The following MYO18B variants were observed in gnomAD, a reference collection of about 807,000 sequenced individuals.
The protein encoded by MYO18B is unconventional myosin-XVIIIb.
In MYO18B, 204 loss-of-function variants were observed where a neutral mutation model predicts 273.0. The observed-to-expected ratio is 0.75, with a 90% CI of 0.67 to 0.84. MYO18B has a LOEUF of 0.84. Among genes scored for constraint, MYO18B ranks in the 40% least tolerant of loss-of-function variants. MYO18B has a pLI of 0.00. For missense variants in MYO18B, 3,212 were observed against 3,287.6 expected, an observed-to-expected ratio of 0.98 and a Z score of 0.56; for synonymous variants, 1,330 against 1,305.7, an observed-to-expected ratio of 1.02 and a Z score of -0.40.
At chr22:25,972,246 GA>G (rs2093043378) in intron 39 of MYO18B, among the ~76,000 whole-genome samples, 1 of 152,016 alleles carries the variant, frequency 6.6e-6, no homozygotes, top group Non-Finnish European at 1.5e-5. Context: ...AGTGTGACCA[GA>G]ACCCCGATTT....
At chr22:25,934,873 G>T (rs1256805639) in intron 34 of MYO18B, among the ~76,000 whole-genome samples, 1 of 152,104 alleles carries the variant, frequency 6.6e-6, no homozygotes, top group African/African-American at 2.4e-5. Flanking sequence ...GTGATTCGGG[G>T]GCTCAAGATA....
At position 25,882,876 on chromosome 22, in the gene MYO18B, CTT is replaced by C. The variant is rs531756966; in HGVS notation, c.4314+4833_4314+4834del. Among the ~76,000 whole-genome samples the C allele has an allele frequency of 4.2e-3, 643 of 152,216 alleles. 3 individuals are homozygous for C. The highest frequency in any genetic ancestry group is 0.015 in the African/African-American group (626 of 41,540). ...GCCTTATATTCATGAGGTCATTACTCTTTTTTAATTAGTTAATTAATTTTTAT... is the reference window on the plus strand; with the variant it reads ...GCCTTATATTCATGAGGTCATTACTCTTTTAATTAGTTAATTAATTTTTAT... On this transcript the variant is annotated intron_variant, in intron 25 of 43. Coordinates refer to ENST00000335473, the MANE Select transcript of MYO18B (RefSeq NM_032608.7).
At chr22:25,892,769 AC>A (rs2091695908) in intron 27 of MYO18B, 1 of 152,194 alleles carries the variant, frequency 6.6e-6, no homozygotes, top group South Asian at 2.1e-4. Context: ...TATAAGCGAG[AC>A]CCAACAAGGT....
At chr22:25,808,565 A>G (rs1221890911) in intron 12 of MYO18B, among the ~76,000 whole-genome samples, 1 of 151,916 alleles carries the variant, frequency 6.6e-6, no homozygotes, top group African/African-American at 2.4e-5. Flanking sequence ...TAGGATCTCC[A>G]CCCTCTCTCC....
intron 35 of MYO18B, 111 bp from the exon 36 acceptor site, chr22:25,947,601 G>A (rs150625698): frequency 1.1e-4 from 72 of 678,988 alleles, no homozygotes; most frequent in Non-Finnish European, 1.6e-4. Flanking sequence ...AACATTGATG[G>A]TCACTCACCT....
At chr22:25,950,321 G>A (rs770924863) in intron 36 of MYO18B, 46 bp from the exon 37 acceptor site, 14 of 1,502,064 alleles carry the variant, frequency 9.3e-6, no homozygotes, top group Non-Finnish European at 1.3e-5. Context: ...AGCAAGGCTT[G>A]TGGACTCAGG....
intron 27 of MYO18B, among the ~76,000 whole-genome samples, chr22:25,891,870 T>A (rs1372603752): frequency 6.6e-6 from 1 of 151,856 alleles, no homozygotes; most frequent in East Asian, 1.9e-4. Flanking sequence ...CTACAAAAAA[T>A]TTAAAAAATT....
intron 42 of MYO18B, among the ~76,000 whole-genome samples, chr22:26,010,535 G>A (rs1346120693): frequency 1.3e-5 from 2 of 152,188 alleles, no homozygotes; most frequent in African/African-American, 4.8e-5. Context: ...CCCCTCCACC[G>A]TTAAATAGAC....
intron 22 of MYO18B, among the ~76,000 whole-genome samples, chr22:25,870,488 A>G (rs2091016052): frequency 6.6e-6 from 1 of 152,240 alleles, no homozygotes; most frequent in South Asian, 2.1e-4. Flanking sequence ...GAAAAAGTAG[A>G]GTAAAAATAT....
intron 13 of MYO18B, among the ~76,000 whole-genome samples, chr22:25,826,005 G>A (rs1427056889): frequency 1.3e-5 from 2 of 152,182 alleles, no homozygotes; most frequent in African/African-American, 2.4e-5. Flanking sequence ...TTCAGGGCAC[G>A]CCCAGCCTCA....
intron 17 of MYO18B, among the ~76,000 whole-genome samples, chr22:25,843,529 A>G (rs909788521): frequency 6.6e-6 from 1 of 152,222 alleles, no homozygotes; most frequent in African/African-American, 2.4e-5. Context: ...GGTGTCCTAG[A>G]TTTAAGAAAG....
chr22:25,947,487 TACACACACACACACACAC>T (rs57844236), intron 35 of MYO18B, among the ~76,000 whole-genome samples: 2,754 of 110,664 alleles, frequency 0.025, 60 homozygotes, highest in Non-Finnish European at 0.034. Context: ...TAATGCCTAA[TACACACACACACACACAC>T]ACACACACAC....
intron 39 of MYO18B, among the ~76,000 whole-genome samples, chr22:25,961,683 C>A (rs979608760): frequency 6.6e-6 from 1 of 152,300 alleles, no homozygotes; most frequent in Non-Finnish European, 1.5e-5. Flanking sequence ...CAAGGGGTAC[C>A]TGAGGAAGCT....
chr22:25,950,518 ATGTGTG>A lies in MYO18B; in HGVS notation c.5832+96_5832+101del, dbSNP rs59002655. ...TTCTTAGAGGGACAGAACTAATAGG[ATGTGTG>A]TGTGTGTGTGTGTGTGTGTGTGTGT... On this transcript the variant is annotated intron_variant, in intron 37 of 43. Transcript: ENST00000335473. 1.0e-4 allele frequency: 63 copies of A among 606,262 alleles called. No homozygotes were observed. The Middle Eastern group carries it at 1.3e-3, about 12-fold the overall frequency. 37.6% of individuals were successfully genotyped at this position (606,262 alleles called of 1,614,324 possible).
At chr22:25,910,749 C>T (rs1473552114) in intron 32 of MYO18B, among the ~76,000 whole-genome samples, 197 bp from the exon 33 acceptor site, 1 of 152,178 alleles carries the variant, frequency 6.6e-6, no homozygotes, top group African/African-American at 2.4e-5. Context: ...ACCAGCCCTC[C>T]CTACTGTTGT....
At chr22:25,875,493 G>A (rs2091164540) in intron 23 of MYO18B, among the ~76,000 whole-genome samples, 1 of 116,224 alleles carries the variant, frequency 8.6e-6, no homozygotes, top group South Asian at 3.6e-4. Flanking sequence ...CTGCCAGTCA[G>A]TGCTGTTCTG....
At chr22:25,813,386 A>T (rs1233824093) in intron 12 of MYO18B, among the ~76,000 whole-genome samples, 2 of 151,678 alleles carry the variant, frequency 1.3e-5, no homozygotes, top group Non-Finnish European at 2.9e-5. Flanking sequence ...TGCCTATTGG[A>T]TGATAAGCCC....
chr22:25,799,160 T>TGTGC (rs908649603), intron 12 of MYO18B, among the ~76,000 whole-genome samples: 14 of 151,626 alleles, frequency 9.2e-5, no homozygotes, highest in African/African-American at 3.2e-4. Context: ...TGTGTGTGTG[T>TGTGC]GCTTGGATAG....
chr22:25,847,737 C>CT, intron 20 of MYO18B, 85 bp downstream of exon 20: 1 of 1,017,698 alleles, frequency 9.8e-7, no homozygotes, highest in East Asian at 2.6e-5. Flanking sequence ...ATGGGAGCCC[C>CT]TGCCATGTGC....
Sources: gnomAD v4.1 joint callset for allele counts (sites outside exome capture counted in the v4.1 genomes callset) on GRCh38, gnomAD v4.1.1 for gene constraint, MANE v1.5 for transcripts, NCBI Gene and HGNC (gene_info 2026-07-23, HGNC 2026-07-21) for gene names.